Variants in CARD8 observed in about 807,000 individuals in gnomAD.
CARD8 encodes caspase recruitment domain family member 8.
A neutral mutation model predicts 53.2 loss-of-function variants in CARD8; 38 were observed. That is an observed-to-expected ratio of 0.71 (90% CI 0.55 to 0.94). The LOEUF (loss-of-function observed/expected upper bound fraction) is 0.94. CARD8 is among the 40% of genes least tolerant of loss of function. The pLI is 0.00. For synonymous variants in CARD8, 245 were observed against 244.9 expected (o/e 1.00, Z 0.00); for missense variants, 561 against 655.5 (o/e 0.86, Z 1.57).
chr19:48,243,107 G>A (rs1209136866), intron 3 of CARD8, among the ~76,000 whole-genome samples: 1 of 152,240 alleles, frequency 6.6e-6, no homozygotes, highest in East Asian at 1.9e-4. Flanking sequence ...CCACCTCCCA[G>A]GTTCAAGCGA....
At chr19:48,207,715 T>C (rs1385145518), downstream of CARD8, among the ~76,000 whole-genome samples, 1 of 145,724 alleles carries the variant, frequency 6.9e-6, no homozygotes, top group Non-Finnish European at 1.5e-5. Context: ...AACTTCTTCT[T>C]TTTTATTGTT....
intron 10 of CARD8, among the ~76,000 whole-genome samples, chr19:48,229,533 C>T (rs1040003047): frequency 1.4e-4 from 21 of 152,314 alleles, no homozygotes; most frequent in African/African-American, 5.1e-4. Context: ...AGGCACCTGC[C>T]TCTCATTCTT....
At chr19:48,221,036 GA>G (rs1047734820) in intron 11 of CARD8, among the ~76,000 whole-genome samples, 3 of 150,270 alleles carry the variant, frequency 2.0e-5, no homozygotes, top group Admixed American at 1.3e-4. Flanking sequence ...GAGAAAGAGG[GA>G]AAAAAGAAAG....
chr19:48,219,692 C>T (rs7255291), intron 11 of CARD8, among the ~76,000 whole-genome samples: 11,164 of 152,080 alleles, frequency 0.073, 1,286 homozygotes, highest in African/African-American at 0.25. Context: ...ACCTCTAGGG[C>T]GGGCGCGGTG....
chr19:48,246,495 C>T (rs1051587513), intron 3 of CARD8, among the ~76,000 whole-genome samples: 8 of 152,060 alleles, frequency 5.3e-5, no homozygotes, highest in African/African-American at 1.4e-4. Flanking sequence ...GGAATCCATG[C>T]ATGTATACCG....
rs112562605 is a variant in CARD8 at position 48,231,644 on chromosome 19, C to T, written c.542+16G>A. On this transcript the variant is annotated intron_variant, in intron 8 of 13. Transcript: ENST00000651546. ...ATCAGAGTGGTTTTCAAATCATCAG[C>T]ATCTTCCATTCTTACCTGTATCTGT... The T allele has an allele frequency of 1.3e-6, 2 of 1,571,854 alleles. No individual in the cohort carries two copies.
intron 3 of CARD8, among the ~76,000 whole-genome samples, chr19:48,248,571 A>C (rs1055071268): frequency 6.6e-6 from 1 of 152,244 alleles, no homozygotes; most frequent in Non-Finnish European, 1.5e-5. Context: ...GATGGAAATA[A>C]GAAAAGCTGA....
rs963681800 is a variant in CARD8, at chr19:48,210,592, A to G, written c.*1118T>C. 2.0e-5 allele frequency: 3 copies of G among 152,202 alleles called. No individual in the cohort carries two copies. Among genetic ancestry groups the G allele is most frequent in the East Asian group, 3.8e-4 (2 of 5,204 alleles). The allele number at this position is 152,202 out of a possible 1,614,324, so 9.4% of individuals were successfully genotyped here. A position where few individuals can be genotyped will look rare whatever the true frequency, so the allele number is the denominator to read the frequency against. Reference sequence around the variant, plus strand: ...AAGGTAATAGGATCTAAATGGTGATAAAGTGCCTAGATTCCACTTTAAGTG... The same window carrying G: ...AAGGTAATAGGATCTAAATGGTGATGAAGTGCCTAGATTCCACTTTAAGTG... On this transcript the variant is annotated 3_prime_UTR_variant, in exon 14 of 14. Coordinates refer to ENST00000651546, the MANE Select transcript of CARD8 (RefSeq NM_001184900.3).
chr19:48,206,024 A>G (rs368956155), downstream of CARD8, among the ~76,000 whole-genome samples: 3 of 151,970 alleles, frequency 2.0e-5, no homozygotes, highest in Admixed American at 1.3e-4. Flanking sequence ...CAGCCTCCCA[A>G]GTAGCTGGGA....
intron 11 of CARD8, among the ~76,000 whole-genome samples, chr19:48,220,197 A>G (rs1326228537): frequency 6.6e-6 from 1 of 152,214 alleles, no homozygotes; most frequent in Admixed American, 6.5e-5. Flanking sequence ...TTATCAAGGA[A>G]ACTGGGAACT....
intron 3 of CARD8, among the ~76,000 whole-genome samples, chr19:48,243,034 G>A (rs2045479431): frequency 6.6e-6 from 1 of 151,996 alleles, no homozygotes; most frequent in Non-Finnish European, 1.5e-5. Context: ...AGAGACTCTG[G>A]ATAACAGAAA....
chr19:48,254,192 G>A (rs1478351522), intron 1 of CARD8, among the ~76,000 whole-genome samples: 1 of 151,736 alleles, frequency 6.6e-6, no homozygotes, highest in Non-Finnish European at 1.5e-5. Flanking sequence ...TTGAGCCCAG[G>A]AGTTTGAGTC....
chr19:48,224,014 T>C (rs2041238123), intron 10 of CARD8: 1 of 405,338 alleles, frequency 2.5e-6, no homozygotes, highest in Admixed American at 2.8e-5. Context: ...CAGGCTGGAG[T>C]ATAGTGGTGT....
chr19:48,219,147 G>C, intron 11 of CARD8, 135 bp from the exon 12 acceptor site: 1 of 719,840 alleles, frequency 1.4e-6, no homozygotes, highest in South Asian at 1.8e-5. Flanking sequence ...CAGAGGGAGA[G>C]AGGTAAACAG....
rs188175997 is a variant in CARD8 at position 48,247,761 on chromosome 19, T to C, written c.-44+1762A>G. On this transcript the variant is annotated intron_variant, in intron 3 of 13. Coordinates refer to ENST00000651546, the MANE Select transcript of CARD8 (RefSeq NM_001184900.3). Reference sequence around the variant, plus strand: ...TTTCATGACACTATGTTATTGTATATATATATATATATATATACACACACA... The same window carrying C: ...TTTCATGACACTATGTTATTGTATACATATATATATATATATACACACACA... Among the ~76,000 whole-genome samples, 34 of 131,538 alleles carry C rather than the reference T, an allele frequency of 2.6e-4. No individual in the cohort carries two copies. The East Asian group carries it at 7.0e-3, about 27-fold the overall frequency. The allele number at this position is 131,538 out of a possible 152,430, so 86.3% of individuals were successfully genotyped here. A position where few individuals can be genotyped will look rare whatever the true frequency, so the allele number is the denominator to read the frequency against.
chr19:48,252,547 T>C (rs2047058209), intron 1 of CARD8, among the ~76,000 whole-genome samples: 2 of 151,438 alleles, frequency 1.3e-5, no homozygotes, highest in African/African-American at 2.4e-5. Flanking sequence ...GGCTGGAGTA[T>C]GCAGTGGTGT....
At chr19:48,233,063 C>T (rs1468632485) in intron 6 of CARD8, 1 of 351,634 alleles carries the variant, frequency 2.8e-6, no homozygotes, top group African/African-American at 2.1e-5. Context: ...CCAAACTTGA[C>T]CACACCTGGG....
chr19:48,235,273 T>A (rs976620442), intron 5 of CARD8, among the ~76,000 whole-genome samples: 11 of 152,182 alleles, frequency 7.2e-5, no homozygotes, highest in Non-Finnish European at 1.2e-4. Context: ...TGGAGTGTCC[T>A]TTATGCCAAG....
chr19:48,232,091 C>T, intron 7 of CARD8: 1 of 556,518 alleles, frequency 1.8e-6, no homozygotes, highest in Non-Finnish European at 3.2e-6. Flanking sequence ...AGGACTGGAA[C>T]CAATGCACCT....
Sources: gnomAD v4.1 joint callset for allele counts (sites outside exome capture counted in the v4.1 genomes callset) on GRCh38, gnomAD v4.1.1 for gene constraint, MANE v1.5 for transcripts, NCBI Gene and HGNC (gene_info 2026-07-23, HGNC 2026-07-21) for gene names.